PLA2G2F: variants seen among roughly 807,000 people sequenced by gnomAD.
PLA2G2F encodes the protein group IIF secretory phospholipase A2.
Under a neutral mutation model 15.9 loss-of-function variants are expected in PLA2G2F, and 17 were observed. That is an observed-to-expected ratio of 1.07 (90% CI 0.73 to 1.60). PLA2G2F has a LOEUF of 1.60. PLA2G2F is among the 40% of genes most tolerant of loss of function. The pLI, the probability that PLA2G2F is intolerant of heterozygous loss-of-function variation, is 0.00. For missense variants in PLA2G2F, 299 were observed against 278.2 expected (o/e 1.07, Z -0.53); for synonymous variants, 119 against 106.5 (o/e 1.12, Z -0.72).
intron 2 of PLA2G2F, chr1:20,140,790 T>G (rs980090990): frequency 6.6e-6 from 1 of 152,616 alleles, no homozygotes; most frequent in Non-Finnish European, 1.5e-5. Flanking sequence ...TGCATAGTGG[T>G]GGGAGGTCAG....
At chr1:20,144,908 C>T (rs180976297) in intron 4 of PLA2G2F, among the ~76,000 whole-genome samples, 4 of 152,262 alleles carry the variant, frequency 2.6e-5, no homozygotes, top group African/African-American at 7.2e-5. Flanking sequence ...GAAAACCCGT[C>T]GCTAGTAAAA....
chr1:20,145,157 T>A (rs1010212897), intron 4 of PLA2G2F, among the ~76,000 whole-genome samples: 2 of 152,160 alleles, frequency 1.3e-5, no homozygotes, highest in Non-Finnish European at 2.9e-5. Flanking sequence ...ATGAAAAATG[T>A]TTTAATATTA....
At position 20,140,159 on chromosome 1, in the gene PLA2G2F, C is replaced by T; in HGVS notation, c.117-7C>T. 1 of 1,613,692 alleles carries T rather than the reference C, an allele frequency of 6.2e-7. No homozygotes were observed. The highest frequency in any genetic ancestry group is 8.5e-7 in the Non-Finnish European group (1 of 1,179,698). ...GGACTCAAGCTCCGGGTTTCGTCCT[C>T]CCTCAGGTCTAGCCTGGGTATGAAG... On this transcript the variant is annotated splice_region_variant and splice_polypyrimidine_tract_variant and intron_variant, in intron 1 of 4. Coordinates refer to ENST00000375102, the MANE Select transcript of PLA2G2F (RefSeq NM_022819.4).
intron 3 of PLA2G2F, 171 bp downstream of exon 3, chr1:20,143,761 T>A: frequency 1.2e-6 from 1 of 826,148 alleles, no homozygotes; most frequent in Non-Finnish European, 1.9e-6. Context: ...CTTTCCAAAC[T>A]GTTTTGAGCG....
At position 20,139,426 on chromosome 1, in the gene PLA2G2F, A is replaced by G. The variant is rs1175457007; in HGVS notation, c.-2A>G. On this transcript the variant is annotated 5_prime_UTR_variant, in exon 1 of 5. Coordinates refer to ENST00000375102, the MANE Select transcript of PLA2G2F (RefSeq NM_022819.4). ...TGTTGCTGGCCCCCCAGAACCCGCA[A>G]CATGGCAGATGGGGCAAAGGCCAAC... 3 of 1,555,454 alleles carry G rather than the reference A, an allele frequency of 1.9e-6. No individual in the cohort carries two copies. The highest frequency in any genetic ancestry group is 2.7e-5 in the African/African-American group (2 of 73,346).
chr1:20,148,090 C>T, intron 4 of PLA2G2F, 100 bp from the exon 5 acceptor site: 1 of 998,266 alleles, frequency 1.0e-6, no homozygotes, highest in Non-Finnish European at 1.6e-6. Flanking sequence ...CCAAGGACCA[C>T]TGGGCTCTCC....
Position 20,143,462 on chromosome 1 carries a change from C to A in PLA2G2F, c.186C>A (p.His62Gln). The change falls in exon 3 of 5, where the codon CAC (histidine) becomes CAA (glutamine). Residue 62 changes from histidine to glutamine, a missense_variant. Coordinates refer to ENST00000375102, the MANE Select transcript of PLA2G2F (RefSeq NM_022819.4). The stretch of plus-strand genomic sequence containing the variant: ...CTCTTGCAGTTCTGTCCACAGCTCA[C>A]GGCAGCCTGCTCAACCTGAAGGCCA... ...ILAGSVLSTA[H>Q]GSLLNLKAMV... 6.2e-7 allele frequency: 1 copy of A among 1,613,950 alleles called. No individual in the cohort carries two copies. Among genetic ancestry groups the A allele is most frequent in the Non-Finnish European group, 8.5e-7 (1 of 1,179,912 alleles).
At chr1:20,144,727 G>A in intron 4 of PLA2G2F, 38 bp downstream of exon 4, 1 of 1,509,602 alleles carries the variant, frequency 6.6e-7, no homozygotes, top group Non-Finnish European at 9.1e-7. Flanking sequence ...CCCAGAGAAG[G>A]GAGTGGCTGG....
Position 20,148,223 on chromosome 1 carries a change from C to T in PLA2G2F, c.458C>T (p.Thr153Ile), listed in dbSNP as rs759007507. The T allele has an allele frequency of 6.2e-7, 1 of 1,614,074 alleles. No individual in the cohort carries two copies. Among genetic ancestry groups the T allele is most frequent in the South Asian group, 1.1e-5 (1 of 91,078 alleles). Residue 153 changes from threonine (T) to isoleucine (I), a missense_variant, in exon 5 of 5, where the codon ACA becomes ATA. By Grantham distance (89) the Thr-to-Ile change is moderately conservative. Coordinates refer to ENST00000375102, the MANE Select transcript of PLA2G2F (RefSeq NM_022819.4). ...AACAAGACAGAGTGTGACAAGCAGACATGCATGTGTGACAAGAACATGGTT... is the reference window on the plus strand; with the variant it reads ...AACAAGACAGAGTGTGACAAGCAGATATGCATGTGTGACAAGAACATGGTT... ...DLNKTECDKQ[T>I]CMCDKNMVLC...
Position 20,140,165 on chromosome 1 carries a change from G to T in PLA2G2F, c.117-1G>T, listed in dbSNP as rs1557774837. On this transcript the variant is annotated splice_acceptor_variant, in intron 1 of 4. Transcript: ENST00000375102. LOFTEE classifies it high-confidence loss of function. ...AAGCTCCGGGTTTCGTCCTCCCTCA[G>T]GTCTAGCCTGGGTATGAAGAAGTTC... 6.2e-7 allele frequency: 1 copy of T among 1,613,890 alleles called. No individual in the cohort carries two copies. Among genetic ancestry groups the T allele is most frequent in the South Asian group, 1.1e-5 (1 of 91,050 alleles).
At chr1:20,146,264 C>T (rs2100696088) in intron 4 of PLA2G2F, among the ~76,000 whole-genome samples, 1 of 152,334 alleles carries the variant, frequency 6.6e-6, no homozygotes, top group Non-Finnish European at 1.5e-5. Flanking sequence ...GCTCCTTCCC[C>T]ATCTGGCCTG....
intron 3 of PLA2G2F, chr1:20,144,086 C>T (rs969949523): frequency 3.8e-5 from 7 of 184,596 alleles, no homozygotes; most frequent in Non-Finnish European, 4.5e-5. Context: ...GCTGACTTCA[C>T]GCCCCCAGAG....
In PLA2G2F at chr1:20,148,349, C is replaced by T. The variant is rs1270853728; in HGVS notation, c.584C>T (p.Pro195Leu). ...TPNCSIYEPP[P>L]EEVTCSHQSP... ...AACTGCAGCATCTATGAACCGCCCC[C>T]TGAGGAGGTCACCTGCAGTCACCAA... Residue 195 changes from proline (P) to leucine (L), a missense_variant, in exon 5 of 5, where the codon CCT becomes CTT. Transcript: ENST00000375102. 1 of 1,614,060 alleles carries T rather than the reference C, an allele frequency of 6.2e-7. No homozygotes were observed. The highest frequency in any genetic ancestry group is 1.7e-5 in the Admixed American group (1 of 60,024).
chr1:20,145,732 C>T (rs1001557203), intron 4 of PLA2G2F, among the ~76,000 whole-genome samples: 1 of 152,168 alleles, frequency 6.6e-6, no homozygotes, highest in Admixed American at 6.5e-5. Context: ...GCCTCAGCCT[C>T]CCAATTAGCT....
chr1:20,139,509 C>A lies in PLA2G2F; in HGVS notation c.82C>A (p.Arg28Ser), dbSNP rs202089729. Residue 28 changes from arginine to serine, a missense_variant, in exon 1 of 5, where the codon CGC becomes AGC. Physicochemically the swap from Arg to Ser is moderately radical, Grantham distance 110. Coordinates refer to ENST00000375102, the MANE Select transcript of PLA2G2F (RefSeq NM_022819.4). ...DRCFSGWRGP[R>S]FGASCPSRTS... Reference sequence around the variant, plus strand: ...ATGCTTCTCTGGGTGGAGGGGCCCACGCTTCGGGGCCTCCTGTCCTTCAAG... The same window carrying A: ...ATGCTTCTCTGGGTGGAGGGGCCCAAGCTTCGGGGCCTCCTGTCCTTCAAG... 1.5e-5 allele frequency: 23 copies of A among 1,571,066 alleles called. No individual in the cohort carries two copies. The East Asian group carries it at 5.1e-4, about 35-fold the overall frequency.
At position 20,143,505 on chromosome 1, in the gene PLA2G2F, G is replaced by C; in HGVS notation, c.229G>C (p.Gly77Arg). The C allele has an allele frequency of 6.2e-7, 1 of 1,614,066 alleles. No homozygotes were observed. Among genetic ancestry groups the C allele is most frequent in the Non-Finnish European group, 8.5e-7 (1 of 1,179,976 alleles). The change falls in exon 3 of 5, where the codon GGG becomes CGG. Residue 77 changes from glycine (G) to arginine (R), a missense_variant. Gly to Arg is a moderately radical substitution (Grantham distance 125). Coordinates refer to ENST00000375102, the MANE Select transcript of PLA2G2F (RefSeq NM_022819.4). The stretch of plus-strand genomic sequence containing the variant: ...GAAGGCCATGGTGGAGGCCGTCACA[G>C]GGAGGAGCGCCATCCTGTCCTTCGT... Reference protein sequence around the residue: ...NLKAMVEAVTGRSAILSFVGY... With the variant: ...NLKAMVEAVTRRSAILSFVGY...
rs1029538166 is a variant in PLA2G2F at position 20,149,911 on chromosome 1, C to T, written c.*1510C>T. ...CCACCCTCCGCCCGGACTCAACAGC[C>T]GCCAGCAAGCTCGCCTGGCAGTGCC... On this transcript the variant is annotated 3_prime_UTR_variant, in exon 5 of 5. Coordinates refer to ENST00000375102, the MANE Select transcript of PLA2G2F (RefSeq NM_022819.4). 6 of 152,466 alleles carry T rather than the reference C, an allele frequency of 3.9e-5. No homozygotes were observed. The highest frequency in any genetic ancestry group is 6.5e-5 in the Admixed American group (1 of 15,286). 9.4% of individuals were successfully genotyped at this position (152,466 alleles called of 1,614,324 possible).
At chr1:20,140,054 C>T (rs2017428322) in intron 1 of PLA2G2F, 112 bp from the exon 2 acceptor site, 5 of 1,144,324 alleles carry the variant, frequency 4.4e-6, no homozygotes, top group Non-Finnish European at 6.3e-6. Flanking sequence ...ACTAGGACAT[C>T]AAGGGACAGC....
intron 2 of PLA2G2F, 35 bp downstream of exon 2, chr1:20,140,253 C>T (rs1222091746): frequency 1.9e-6 from 3 of 1,608,542 alleles, no homozygotes; most frequent in African/African-American, 2.7e-5. Flanking sequence ...CTCCTTCTCT[C>T]CCACTCCCAG....
Sources: allele counts gnomAD v4.1 joint callset (sites outside exome capture counted in the v4.1 genomes callset), GRCh38; gene constraint gnomAD v4.1.1; transcripts MANE v1.5; gene names NCBI Gene and HGNC (gene_info 2026-07-23, HGNC 2026-07-21).